SLC4A4: variants seen among roughly 807,000 people sequenced by gnomAD.
SLC4A4 encodes the protein solute carrier family 4 member 4.
In SLC4A4, 27 loss-of-function variants were observed where a neutral mutation model predicts 111.5. The observed-to-expected ratio is 0.24, with a 90% CI of 0.18 to 0.33. The LOEUF (loss-of-function observed/expected upper bound fraction) is 0.33, where lower values mean the gene tolerates loss of function less well. SLC4A4 is among the 10% of genes least tolerant of loss of function. The pLI is 1.00. For synonymous variants in SLC4A4, 443 were observed against 463.4 expected (o/e 0.96, Z 0.57); for missense variants, 909 against 1,315.5 (o/e 0.69, Z 4.78).
intron 3 of SLC4A4, chr4:71,338,984 G>A: frequency 8.3e-7 from 1 of 1,202,190 alleles, no homozygotes; most frequent in Non-Finnish European, 1.1e-6. Context: ...CCCTCCCACT[G>A]CTGTATGAAA....
chr4:71,289,477 C>T (rs1017958033), intron 3 of SLC4A4, among the ~76,000 whole-genome samples: 1 of 152,090 alleles, frequency 6.6e-6, no homozygotes, highest in African/African-American at 2.4e-5. Flanking sequence ...TGTTATTATG[C>T]AAGAGAAATT....
chr4:71,203,746 T>G (rs1272676140), intron 1 of SLC4A4, among the ~76,000 whole-genome samples: 1 of 152,240 alleles, frequency 6.6e-6, no homozygotes, highest in Non-Finnish European at 1.5e-5. Flanking sequence ...TACTTTCATT[T>G]AGAGTATAAA....
At chr4:71,496,530 C>T (rs779347594) in intron 15 of SLC4A4, among the ~76,000 whole-genome samples, 2 of 151,928 alleles carry the variant, frequency 1.3e-5, no homozygotes, top group East Asian at 1.9e-4. Flanking sequence ...GGTCAGTAAT[C>T]GGCTATGAGA....
chr4:71,169,671 A>G (rs561300220), intron 2 of SLC4A4, among the ~76,000 whole-genome samples: 14 of 152,300 alleles, frequency 9.2e-5, no homozygotes, highest in African/African-American at 3.1e-4. Flanking sequence ...CACTTTGTCA[A>G]TAAGACTGGG....
At chr4:71,242,964 C>G (rs574275352) in intron 2 of SLC4A4, among the ~76,000 whole-genome samples, 1 of 152,284 alleles carries the variant, frequency 6.6e-6, no homozygotes, top group South Asian at 2.1e-4. Flanking sequence ...CCTTTGGACT[C>G]ATTCTCATCC....
At position 71,571,395 on chromosome 4, in the gene SLC4A4, A is replaced by G. The variant is rs1380804648; in HGVS notation, c.*3644A>G. 1 of 152,122 alleles carries G rather than the reference A, an allele frequency of 6.6e-6. No individual in the cohort carries two copies. The highest frequency in any genetic ancestry group is 1.5e-5 in the Non-Finnish European group (1 of 67,888). 9.4% of individuals were successfully genotyped at this position (152,122 alleles called of 1,614,324 possible). Reference sequence around the variant, plus strand: ...TGGCACCAAATGGCTGGGTACAATCAAGTGATATTTTGTAGCACCTCACTA... The same window carrying G: ...TGGCACCAAATGGCTGGGTACAATCGAGTGATATTTTGTAGCACCTCACTA... On this transcript the variant is annotated 3_prime_UTR_variant, in exon 26 of 26. Coordinates refer to ENST00000264485, the MANE Select transcript of SLC4A4 (RefSeq NM_001098484.3).
At chr4:71,114,493 AAAAC>A (rs1385970705) in intron 2 of SLC4A4, among the ~76,000 whole-genome samples, 2 of 150,032 alleles carry the variant, frequency 1.3e-5, no homozygotes, top group Non-Finnish European at 3.0e-5. Flanking sequence ...TTACAAGAAA[AAAAC>A]AAACAACCCC....
intron 6 of SLC4A4, among the ~76,000 whole-genome samples, chr4:71,365,156 A>G (rs1239704782): frequency 6.6e-6 from 1 of 152,190 alleles, no homozygotes; most frequent in Non-Finnish European, 1.5e-5. Flanking sequence ...AGTCTGTTTT[A>G]TACATCTAGG....
chr4:71,469,097 C>T (rs1261335757), intron 13 of SLC4A4, among the ~76,000 whole-genome samples: 2 of 151,988 alleles, frequency 1.3e-5, no homozygotes, highest in Non-Finnish European at 2.9e-5. Context: ...TTCAAAGATA[C>T]TTGTAGTTTT....
intron 15 of SLC4A4, among the ~76,000 whole-genome samples, chr4:71,492,360 A>G (rs541054058): frequency 8.6e-5 from 13 of 151,848 alleles, no homozygotes; most frequent in Non-Finnish European, 1.8e-4. Context: ...TTTGGTATGC[A>G]TACTACTTTT....
intron 7 of SLC4A4, among the ~76,000 whole-genome samples, chr4:71,407,786 T>C (rs1721000985): frequency 1.3e-5 from 2 of 152,206 alleles, no homozygotes; most frequent in Admixed American, 6.5e-5. Flanking sequence ...TCAATGTTTT[T>C]TTTTTTTGTA....
intron 2 of SLC4A4, among the ~76,000 whole-genome samples, chr4:71,129,675 A>G (rs907333715): frequency 6.6e-6 from 1 of 151,358 alleles, no homozygotes; most frequent in African/African-American, 2.4e-5. Context: ...ATGTATGTTC[A>G]TTGCAGCACT....
intron 8 of SLC4A4, among the ~76,000 whole-genome samples, chr4:71,442,127 AT>A (rs1724782609): frequency 6.6e-6 from 1 of 152,202 alleles, no homozygotes; most frequent in Non-Finnish European, 1.5e-5. Context: ...TTGGCTTTTC[AT>A]TTTTATTACC....
intron 15 of SLC4A4, among the ~76,000 whole-genome samples, chr4:71,492,875 T>C (rs898517611): frequency 6.6e-6 from 1 of 151,960 alleles, no homozygotes; most frequent in Non-Finnish European, 1.5e-5. Context: ...GATTATTCCC[T>C]CTTCTGACCA....
intron 13 of SLC4A4, among the ~76,000 whole-genome samples, chr4:71,471,873 G>A (rs984052578): frequency 2.6e-5 from 4 of 151,860 alleles, no homozygotes; most frequent in African/African-American, 9.7e-5. Flanking sequence ...GATGTTGGTC[G>A]CAAGATGCTT....
intron 16 of SLC4A4, among the ~76,000 whole-genome samples, chr4:71,521,916 T>C (rs1732967844): frequency 6.6e-6 from 1 of 152,192 alleles, no homozygotes; most frequent in Non-Finnish European, 1.5e-5. Context: ...ATTCCACTCG[T>C]TCTGGCTCCC....
chr4:71,227,442 A>G (rs935582551), intron 1 of SLC4A4, among the ~76,000 whole-genome samples: 2 of 152,202 alleles, frequency 1.3e-5, no homozygotes, highest in African/African-American at 2.4e-5. Flanking sequence ...GGGAGCCCAG[A>G]GAGAAACCAC....
chr4:71,510,494 T>A (rs1490811683), intron 16 of SLC4A4, among the ~76,000 whole-genome samples: 1 of 152,242 alleles, frequency 6.6e-6, no homozygotes. Flanking sequence ...CATTATATGA[T>A]GACTTTCTTT....
intron 3 of SLC4A4, among the ~76,000 whole-genome samples, chr4:71,277,945 T>C (rs1479717627): frequency 6.6e-6 from 1 of 152,196 alleles, no homozygotes; most frequent in Admixed American, 6.5e-5. Context: ...TACTGTTGTT[T>C]TCTTCAGTGA....
Sources: gnomAD v4.1 joint callset for allele counts (sites outside exome capture counted in the v4.1 genomes callset) on GRCh38, gnomAD v4.1.1 for gene constraint, MANE v1.5 for transcripts, NCBI Gene and HGNC (gene_info 2026-07-23, HGNC 2026-07-21) for gene names.